Variants in CTNNA2 observed in about 807,000 individuals in gnomAD.
The protein encoded by CTNNA2 is catenin alpha-2.
In CTNNA2, 42 loss-of-function variants were observed where a neutral mutation model predicts 101.0. The observed-to-expected ratio is 0.42, with a 90% CI of 0.32 to 0.54. The LOEUF (loss-of-function observed/expected upper bound fraction) is 0.54. Among genes scored for constraint, CTNNA2 ranks in the 20% least tolerant of loss-of-function variants. The pLI, the probability that CTNNA2 is intolerant of heterozygous loss-of-function variation, is 0.14. For synonymous variants in CTNNA2, 450 were observed against 456.4 expected (o/e 0.99, Z 0.18); for missense variants, 871 against 1,223.1 (o/e 0.71, Z 4.29).
In CTNNA2 at chr2:79,250,758, T is replaced by G. The variant is rs1021253880; in HGVS notation, c.-406+52682T>G. The stretch of plus-strand genomic sequence containing the variant: ...TATTTGGTATGCACTGTGTTTTGCT[T>G]TGTATTACATTTGAATGCCTTATTT... On this transcript the variant is annotated intron_variant, in intron 2 of 21. Transcript: ENST00000466387. 5.3e-5 allele frequency among the ~76,000 whole-genome samples: 8 copies of G among 152,214 alleles called. No individual in the cohort carries two copies. The South Asian group carries it at 6.2e-4, about 12-fold the overall frequency.
chr2:80,009,462 C>A (rs1462180304), intron 7 of CTNNA2, among the ~76,000 whole-genome samples: 1 of 152,174 alleles, frequency 6.6e-6, no homozygotes, highest in Non-Finnish European at 1.5e-5. Context: ...ATATTGCTGC[C>A]TGAAGACTCA....
chr2:79,889,566 C>G (rs1011796754), intron 6 of CTNNA2, among the ~76,000 whole-genome samples: 3 of 152,140 alleles, frequency 2.0e-5, no homozygotes, highest in Non-Finnish European at 4.4e-5. Flanking sequence ...ATAACTCTTC[C>G]CTCTGTGCCT....
chr2:79,236,910 G>T (rs2104248111), intron 2 of CTNNA2, among the ~76,000 whole-genome samples: 1 of 152,120 alleles, frequency 6.6e-6, no homozygotes, highest in South Asian at 2.1e-4. Context: ...CTGAAATATT[G>T]AACTCCTCAA....
chr2:79,722,533 G>A (rs1686556131), intron 2 of CTNNA2, among the ~76,000 whole-genome samples: 1 of 152,166 alleles, frequency 6.6e-6, no homozygotes, highest in African/African-American at 2.4e-5. Context: ...TGATATCGGA[G>A]ATTATCTAAC....
chr2:80,614,691 T>G (rs2149794989), intron 17 of CTNNA2, among the ~76,000 whole-genome samples: 1 of 151,646 alleles, frequency 6.6e-6, no homozygotes, highest in African/African-American at 2.4e-5. Context: ...AATTTAAAAA[T>G]ACTTCAAATA....
intron 7 of CTNNA2, among the ~76,000 whole-genome samples, chr2:80,117,008 A>G (rs1384565090): frequency 6.6e-6 from 1 of 151,624 alleles, no homozygotes; most frequent in African/African-American, 2.4e-5. Context: ...CACACTTGGA[A>G]GTTCTGGGAA....
chr2:79,503,942 G>A (rs1671357224), intron 4 of CTNNA2, among the ~76,000 whole-genome samples: 1 of 152,140 alleles, frequency 6.6e-6, no homozygotes, highest in Admixed American at 6.5e-5. Flanking sequence ...CTATAGTGGA[G>A]ACAGAGAGAA....
At chr2:80,043,561 T>G (rs72924613) in intron 7 of CTNNA2, among the ~76,000 whole-genome samples, 4,933 of 152,226 alleles carry the variant, frequency 0.032, 259 homozygotes, top group African/African-American at 0.11. Context: ...AAACCTACAG[T>G]CCTTGCGGGT....
chr2:80,565,058 G>A (rs1408316000), intron 12 of CTNNA2, among the ~76,000 whole-genome samples: 1 of 152,184 alleles, frequency 6.6e-6, no homozygotes, highest in Non-Finnish European at 1.5e-5. Context: ...TTAAAGTGGT[G>A]TAAATATGAG....
intron 3 of CTNNA2, among the ~76,000 whole-genome samples, chr2:79,792,624 A>C (rs1675372032): frequency 1.3e-5 from 2 of 152,076 alleles, no homozygotes; most frequent in African/African-American, 4.8e-5. Flanking sequence ...AAAAAAAATT[A>C]AGCTTGTGAA....
At chr2:79,218,545 G>A (rs545268947) in intron 2 of CTNNA2, among the ~76,000 whole-genome samples, 3 of 152,168 alleles carry the variant, frequency 2.0e-5, no homozygotes, top group Admixed American at 6.5e-5. Flanking sequence ...TAGCAGTAGG[G>A]ACTCGGAAGA....
At chr2:80,563,162 T>C (rs3770313) in intron 12 of CTNNA2, among the ~76,000 whole-genome samples, 60,970 of 151,916 alleles carry the variant, frequency 0.4, 12,428 homozygotes, top group South Asian at 0.58. Flanking sequence ...GACCAGCATC[T>C]GTGGTAATGG....
intron 7 of CTNNA2, among the ~76,000 whole-genome samples, chr2:80,392,503 C>CA (rs1386555403): frequency 6.6e-6 from 1 of 151,516 alleles, no homozygotes; most frequent in Non-Finnish European, 1.5e-5. Context: ...CTGTACCCAC[C>CA]AAAAAAAGGA....
At position 80,563,188 on chromosome 2, in the gene CTNNA2, G is replaced by A. The variant is rs145379841; in HGVS notation, c.1741+7295G>A. Among the ~76,000 whole-genome samples the A allele has an allele frequency of 8.3e-4, 126 of 152,242 alleles. No homozygotes were observed. The East Asian group carries it at 0.023, about 28-fold the overall frequency. On this transcript the variant is annotated intron_variant, in intron 12 of 18. Coordinates refer to ENST00000402739, the MANE Select transcript of CTNNA2 (RefSeq NM_001282597.3). ...GTGGTAATGGCAGTGTAGTAAATTA[G>A]GGGCCTACATATTGTGTCTAGCAGA...
chr2:80,547,699 T>C (rs1692201025), intron 11 of CTNNA2, among the ~76,000 whole-genome samples: 2 of 147,772 alleles, frequency 1.4e-5, no homozygotes, highest in Non-Finnish European at 1.5e-5. Flanking sequence ...GCTTTTTTTT[T>C]TTTTTTTGAG....
chr2:80,289,728 T>C (rs1340287770), intron 7 of CTNNA2, among the ~76,000 whole-genome samples: 2 of 152,012 alleles, frequency 1.3e-5, no homozygotes, highest in Non-Finnish European at 1.5e-5. Flanking sequence ...GTTCACAGAG[T>C]CACACTAGTG....
intron 8 of CTNNA2, among the ~76,000 whole-genome samples, chr2:80,417,724 C>T (rs1311279779): frequency 6.6e-6 from 1 of 151,712 alleles, no homozygotes; most frequent in Non-Finnish European, 1.5e-5. Context: ...TGGTAGGTTG[C>T]AGTTTTAATC....
At chr2:79,547,636 C>T (rs1156764043) in intron 1 of CTNNA2, 2 of 152,172 alleles carry the variant, frequency 1.3e-5, no homozygotes, top group Non-Finnish European at 2.9e-5. Context: ...TCATTATCTT[C>T]GTAGGGCCTC....
chr2:80,456,628 G>A (rs545873074), intron 9 of CTNNA2, among the ~76,000 whole-genome samples: 24 of 152,268 alleles, frequency 1.6e-4, no homozygotes, highest in African/African-American at 4.3e-4. Flanking sequence ...TCAAGGCTTC[G>A]TGCAAGTTAG....
Sources: allele counts gnomAD v4.1 joint callset (sites outside exome capture counted in the v4.1 genomes callset), GRCh38; gene constraint gnomAD v4.1.1; transcripts MANE v1.5; gene names NCBI Gene and HGNC (gene_info 2026-07-23, HGNC 2026-07-21).